The following SUGCT variants were observed in gnomAD, a reference collection of about 807,000 sequenced individuals.
SUGCT encodes succinyl-CoA:glutarate CoA-transferase.
In SUGCT, 41 loss-of-function variants were observed where a neutral mutation model predicts 55.0. The observed-to-expected ratio is 0.74, with a 90% CI of 0.58 to 0.97. The LOEUF (loss-of-function observed/expected upper bound fraction) is 0.97, where lower values mean the gene tolerates loss of function less well. Among genes scored for constraint, SUGCT ranks in the 50% least tolerant of loss-of-function variants. The probability of loss-of-function intolerance (pLI) is 0.00; values close to 1 mark genes in which losing one functional copy is unlikely to be tolerated. For missense variants in SUGCT, 568 were observed against 547.8 expected (o/e 1.04, Z -0.37); for synonymous variants, 187 against 200.4 (o/e 0.93, Z 0.56).
chr7:40,203,102 T>C (rs1298166814), intron 6 of SUGCT, among the ~76,000 whole-genome samples: 1 of 152,216 alleles, frequency 6.6e-6, no homozygotes, highest in Non-Finnish European at 1.5e-5. Context: ...TTGTGTGGCT[T>C]AAGTTAAGGG....
intron 12 of SUGCT, among the ~76,000 whole-genome samples, chr7:40,676,504 G>GTTTTTTTTTTTTTT (rs70990639): frequency 7.7e-6 from 1 of 129,094 alleles, no homozygotes; most frequent in Non-Finnish European, 1.6e-5. Context: ...TTTGTTTTTT[G>GTTTTTTTTTTTTTT]TTTTTTTTTT....
intron 12 of SUGCT, among the ~76,000 whole-genome samples, chr7:40,535,977 A>G (rs1046537088): frequency 6.6e-6 from 1 of 152,092 alleles, no homozygotes; most frequent in Admixed American, 6.6e-5. Context: ...TCTTTGGGGA[A>G]GTGTCTCTTC....
chr7:40,652,912 A>G (rs1245646674), intron 12 of SUGCT, among the ~76,000 whole-genome samples: 1 of 152,108 alleles, frequency 6.6e-6, no homozygotes, highest in Non-Finnish European at 1.5e-5. Context: ...TGTCTGTTTT[A>G]TTCTGGAGAT....
intron 13 of SUGCT, among the ~76,000 whole-genome samples, chr7:40,755,513 A>G (rs17529882): frequency 0.088 from 13,326 of 152,234 alleles, 698 homozygotes; most frequent in Middle Eastern, 0.16. Context: ...AGGTTGGCCA[A>G]TTTCCACCAA....
At chr7:40,353,065 C>CAT (rs112844578) in intron 9 of SUGCT, among the ~76,000 whole-genome samples, 1,870 of 152,190 alleles carry the variant, frequency 0.012, 31 homozygotes, top group African/African-American at 0.041. Context: ...GTTGGCCACA[C>CAT]GTGTCTTCTT....
the SUGCT span, among the ~76,000 whole-genome samples, chr7:41,014,843 C>G: frequency 6.6e-6 from 1 of 152,104 alleles, no homozygotes; most frequent in South Asian, 2.1e-4. Context: ...AAACATAATT[C>G]ATGAGGGGCC....
At chr7:40,198,642 C>T (rs1443319464) in intron 6 of SUGCT, among the ~76,000 whole-genome samples, 1 of 142,690 alleles carries the variant, frequency 7.0e-6, no homozygotes, top group Admixed American at 6.7e-5. Flanking sequence ...GGGCGGATCA[C>T]CTGAGGTCAG....
At chr7:40,476,606 C>T (rs1790693986) in intron 11 of SUGCT, among the ~76,000 whole-genome samples, 1 of 151,890 alleles carries the variant, frequency 6.6e-6, no homozygotes, top group Non-Finnish European at 1.5e-5. Flanking sequence ...TTTTTTACTT[C>T]AATTGGCTCA....
chr7:40,698,165 A>G, intron 12 of SUGCT, among the ~76,000 whole-genome samples: 1 of 152,234 alleles, frequency 6.6e-6, no homozygotes, highest in East Asian at 1.9e-4. Flanking sequence ...AGTGGCTGGC[A>G]TGGCCAGGTG....
chr7:40,883,218 A>G, the SUGCT span, among the ~76,000 whole-genome samples: 1 of 152,192 alleles, frequency 6.6e-6, no homozygotes, highest in Non-Finnish European at 1.5e-5. Flanking sequence ...CAAGAGGTGA[A>G]GACCTTTCCC....
Position 40,166,071 on chromosome 7 carries a change from G to A in SUGCT, c.101-14876G>A, listed in dbSNP as rs372603242. ...CGGGAGGTGGAGGTTGCAGGGAGCC[G>A]AGATTGTGCCTCTGCACTCCAGCCT... is the stretch of plus-strand genomic sequence containing the variant. On this transcript the variant is annotated intron_variant, in intron 1 of 13. Coordinates refer to ENST00000335693, the MANE Select transcript of SUGCT (RefSeq NM_001193313.2). 6.1e-4 allele frequency among the ~76,000 whole-genome samples: 93 copies of A among 152,220 alleles called. 2 individuals carry two copies. The South Asian group carries it at 0.018, about 29-fold the overall frequency.
intron 11 of SUGCT, among the ~76,000 whole-genome samples, chr7:40,462,344 G>T (rs1789847834): frequency 6.6e-6 from 1 of 152,122 alleles, no homozygotes; most frequent in South Asian, 2.1e-4. Context: ...GAAGAGGGGT[G>T]TCAGGTTGGT....
chr7:40,886,748 A>C, the SUGCT span, among the ~76,000 whole-genome samples: 1 of 152,164 alleles, frequency 6.6e-6, no homozygotes, highest in Non-Finnish European at 1.5e-5. Context: ...ATTTGGAGAT[A>C]CCCATGTTGG....
At chr7:40,906,843 A>G in the SUGCT span, among the ~76,000 whole-genome samples, 1 of 152,216 alleles carries the variant, frequency 6.6e-6, no homozygotes, top group Non-Finnish European at 1.5e-5. Flanking sequence ...TGATTGCTGC[A>G]TAGGAAATAG....
intron 13 of SUGCT, among the ~76,000 whole-genome samples, chr7:40,806,597 T>G (rs918148215): frequency 7.2e-5 from 11 of 152,186 alleles, no homozygotes; most frequent in Admixed American, 5.2e-4. Flanking sequence ...TTTATTTGTT[T>G]TGTTAGGAAA....
At chr7:40,761,560 C>G (rs1788534346) in intron 13 of SUGCT, among the ~76,000 whole-genome samples, 2 of 152,174 alleles carry the variant, frequency 1.3e-5, no homozygotes, top group African/African-American at 4.8e-5. Context: ...AGGCAAAGGT[C>G]AGTGAATTTT....
intron 13 of SUGCT, among the ~76,000 whole-genome samples, chr7:40,837,483 G>A (rs1793048510): frequency 6.6e-6 from 1 of 152,088 alleles, no homozygotes; most frequent in Admixed American, 6.6e-5. Context: ...TTGGTATCAA[G>A]TCTAAGAATT....
chr7:40,909,828 C>T, the SUGCT span, among the ~76,000 whole-genome samples: 24 of 152,206 alleles, frequency 1.6e-4, no homozygotes, highest in African/African-American at 4.6e-4. Context: ...TTCATCTGTA[C>T]GAAATTCCTT....
chr7:40,943,343 A>G, the SUGCT span, among the ~76,000 whole-genome samples: 1 of 150,556 alleles, frequency 6.6e-6, no homozygotes, highest in South Asian at 2.1e-4. Flanking sequence ...GGTTAGTTAC[A>G]TATGTATACA....
Sources: allele counts gnomAD v4.1 joint callset (sites outside exome capture counted in the v4.1 genomes callset), GRCh38; gene constraint gnomAD v4.1.1; transcripts MANE v1.5; gene names NCBI Gene and HGNC (gene_info 2026-07-23, HGNC 2026-07-21).